The following TMEM245 variants were observed in gnomAD, a reference collection of about 807,000 sequenced individuals.
The protein encoded by TMEM245 is transmembrane protein 245, also known as protein CG-2.
In TMEM245, 69 loss-of-function variants were observed where a neutral mutation model predicts 101.2. The observed-to-expected ratio is 0.68, with a 90% CI of 0.56 to 0.83. TMEM245 has a LOEUF of 0.83. Ranked by LOEUF, TMEM245 falls within the 40% of genes least tolerant of loss-of-function variation. The probability of loss-of-function intolerance (pLI) is 0.00; values close to 1 mark genes in which losing one functional copy is unlikely to be tolerated. For synonymous variants in TMEM245, 537 were observed against 449.8 expected (o/e 1.19, Z -2.45); for missense variants, 1,075 against 1,092.8 (o/e 0.98, Z 0.23).
chr9:109,055,783 C>T (rs749781471), intron 12 of TMEM245, among the ~76,000 whole-genome samples: 7 of 151,962 alleles, frequency 4.6e-5, no homozygotes, highest in Non-Finnish European at 8.8e-5. Flanking sequence ...TACAGGCATG[C>T]GCCACCATGC....
At chr9:109,038,160 T>C (rs774489739) in intron 14 of TMEM245, 43 bp from the exon 15 acceptor site, 1 of 1,484,286 alleles carries the variant, frequency 6.7e-7, no homozygotes, top group Non-Finnish European at 9.2e-7. Context: ...ATAAACAGTG[T>C]CATATCGTGA....
rs1828637346 is a variant in TMEM245, at chr9:109,050,361, C to T, written c.2045G>A (p.Trp682Ter). 1 of 1,614,072 alleles carries T rather than the reference C, an allele frequency of 6.2e-7. No homozygotes were observed. The highest frequency in any genetic ancestry group is 8.5e-7 in the Non-Finnish European group (1 of 1,180,002). The change falls in exon 14 of 18, where the codon TGG becomes TAG. Residue 682 changes from tryptophan to a stop codon, truncating the protein, a stop_gained. Transcript: ENST00000374586. LOFTEE classifies it high-confidence loss of function. ...AGATAGTGGAGTCAGGCTTATCACC[C>T]ACTTCACTGGCTTGTAGTACTCATC... ...SSDEYYKPVK[W>*]VISLTPLSQP...
intron 10 of TMEM245, among the ~76,000 whole-genome samples, chr9:109,063,851 T>C (rs755112310): frequency 3.9e-5 from 6 of 152,252 alleles, no homozygotes; most frequent in Non-Finnish European, 8.8e-5. Context: ...TTCCTTGATC[T>C]GCCATTCCTT....
At chr9:109,024,562 G>T (rs1201013786) in intron 17 of TMEM245, among the ~76,000 whole-genome samples, 1 of 152,230 alleles carries the variant, frequency 6.6e-6, no homozygotes, top group African/African-American at 2.4e-5. Context: ...CAACAGAAGT[G>T]TAAGATACCA....
chr9:109,069,554 G>A (rs1428604005), intron 9 of TMEM245, among the ~76,000 whole-genome samples: 1 of 151,940 alleles, frequency 6.6e-6, no homozygotes, highest in Admixed American at 6.6e-5. Flanking sequence ...CGCCTTCCCC[G>A]CTCCACTGAA....
At chr9:109,054,099 G>A (rs189647196) in intron 12 of TMEM245, among the ~76,000 whole-genome samples, 2 of 152,284 alleles carry the variant, frequency 1.3e-5, no homozygotes, top group East Asian at 3.9e-4. Flanking sequence ...GGGAGGCCGA[G>A]GTGAAAGAAC....
At chr9:109,055,637 C>CTT (rs377221189) in intron 12 of TMEM245, among the ~76,000 whole-genome samples, 4 of 142,726 alleles carry the variant, frequency 2.8e-5, no homozygotes, top group South Asian at 2.2e-4. Flanking sequence ...TTCTTTTTTT[C>CTT]TTTTTTTTTT....
chr9:109,060,205 C>G, intron 11 of TMEM245, 149 bp downstream of exon 11: 2 of 589,108 alleles, frequency 3.4e-6, no homozygotes, highest in Non-Finnish European at 5.9e-6. Flanking sequence ...TCAACTCACA[C>G]TGACTTTTAG....
chr9:109,100,393 T>C (rs1169377999), intron 3 of TMEM245, among the ~76,000 whole-genome samples: 2 of 152,174 alleles, frequency 1.3e-5, no homozygotes, highest in East Asian at 3.8e-4. Context: ...GCATGATTAC[T>C]ACTCACTGCA....
In TMEM245 at chr9:109,108,497, C is replaced by T. The variant is rs1195149101; in HGVS notation, c.653G>A (p.Arg218Lys). The T allele has an allele frequency of 1.2e-6, 2 of 1,605,224 alleles. No individual in the cohort carries two copies. The highest frequency in any genetic ancestry group is 3.4e-5 in the Admixed American group (2 of 58,750). ...KWNASTERYLRAVSIPVWIIL... is the reference protein window; with the variant it reads ...KWNASTERYLKAVSIPVWIIL... ...AATCCAGACAGGAATTGAAACTGCT[C>T]TCAAGTAGCGTTCAGTGCTTGCATT... The change falls in exon 2 of 18, where the codon AGA becomes AAA. Residue 218 changes from arginine to lysine, a missense_variant. This residue lies in a region of TMEM245 where 808 missense variants were observed against 741.5 expected (regional missense o/e 1.09). Transcript: ENST00000374586.
chr9:109,094,424 A>G (rs920926681), intron 3 of TMEM245, among the ~76,000 whole-genome samples: 1 of 152,242 alleles, frequency 6.6e-6, no homozygotes, highest in African/African-American at 2.4e-5. Context: ...GCAGGACTTG[A>G]GAGCCTGAAG....
Position 109,106,550 on chromosome 9 carries a change from C to T in TMEM245, c.757G>A (p.Val253Met), listed in dbSNP as rs894392146. The change falls in exon 3 of 18, where the codon GTG becomes ATG. Residue 253 changes from valine (V) to methionine (M), a missense_variant. Around this residue, in one of 2 missense-constraint regions of TMEM245, gnomAD observed 808 missense variants for 741.5 expected, o/e 1.09. Transcript: ENST00000374586. The stretch of plus-strand genomic sequence containing the variant: ...TTCTGTTTTTCATAGAGGGTACCCA[C>T]AGACATCAGGAAAACAATAACCAGG... ...VFLVIVFLMS[V>M]GTLYEKQNGK... The T allele has an allele frequency of 3.1e-6, 5 of 1,612,334 alleles. No homozygotes were observed. Among genetic ancestry groups the T allele is most frequent in the African/African-American group, 2.7e-5 (2 of 74,852 alleles).
In TMEM245 at chr9:109,036,081, T is replaced by C. The variant is rs187752524; in HGVS notation, c.2399+125A>G. On this transcript the variant is annotated intron_variant, in intron 16 of 17. Coordinates refer to ENST00000374586, the MANE Select transcript of TMEM245 (RefSeq NM_032012.4). The stretch of plus-strand genomic sequence containing the variant: ...TCATTTGTGGGAACACAAAAGGCTA[T>C]TTCACTGAAAATTCCTACTACCAGT... 86 of 628,152 alleles carry C rather than the reference T, an allele frequency of 1.4e-4. No individual in the cohort carries two copies. In the East Asian group the frequency reaches 2.7e-3, roughly 19 times the overall value. The allele number at this position is 628,152 out of a possible 1,614,324, so 38.9% of individuals were successfully genotyped here.
At chr9:109,027,687 T>TC (rs1226806918) in intron 17 of TMEM245, among the ~76,000 whole-genome samples, 1 of 152,058 alleles carries the variant, frequency 6.6e-6, no homozygotes, top group Admixed American at 6.5e-5. Flanking sequence ...TCTTTTTTTT[T>TC]TGAGACAGAG....
chr9:109,016,654 GTGTGT>G lies in TMEM245; in HGVS notation c.*3801_*3805del, dbSNP rs1564161126. The G allele has an allele frequency of 2.3e-5, 2 of 85,250 alleles. No individual in the cohort carries two copies. The highest frequency in any genetic ancestry group is 1.1e-4 in the African/African-American group (2 of 18,982). The allele number at this position is 85,250 out of a possible 1,614,324, so 5.3% of individuals were successfully genotyped here. ...ACCAAACAGTGGCTGCAGACAGCAT[GTGTGT>G]TTTTTTTTTTTTTTTTTTTTGCAGG... On this transcript the variant is annotated 3_prime_UTR_variant, in exon 18 of 18. Coordinates refer to ENST00000374586, the MANE Select transcript of TMEM245 (RefSeq NM_032012.4).
chr9:109,055,178 C>T (rs1056091431), intron 12 of TMEM245, among the ~76,000 whole-genome samples: 6 of 152,150 alleles, frequency 3.9e-5, no homozygotes, highest in African/African-American at 9.7e-5. Context: ...TTAAGTTCAA[C>T]GACTACAGTC....
chr9:109,061,768 C>T (rs1405226297), intron 10 of TMEM245, among the ~76,000 whole-genome samples: 4 of 152,028 alleles, frequency 2.6e-5, no homozygotes, highest in African/African-American at 9.7e-5. Context: ...GGGGTTTCAC[C>T]ATGTTGGCCA....
chr9:109,068,798 G>A (rs553342009), intron 9 of TMEM245, among the ~76,000 whole-genome samples: 11 of 152,252 alleles, frequency 7.2e-5, no homozygotes, highest in Admixed American at 2.6e-4. Context: ...CTGGATTTAC[G>A]TATTATTCTC....
intron 10 of TMEM245, among the ~76,000 whole-genome samples, chr9:109,062,166 G>T (rs773832573): frequency 2.0e-5 from 3 of 151,992 alleles, no homozygotes; most frequent in African/African-American, 7.2e-5. Flanking sequence ...ACACCAGACA[G>T]AGCTAATTTT....
Sources: gnomAD v4.1 joint callset for allele counts (sites outside exome capture counted in the v4.1 genomes callset) on GRCh38, gnomAD v4.1.1 for gene constraint, gnomAD v4.1.1 regional missense constraint, MANE v1.5 for transcripts, NCBI Gene and HGNC (gene_info 2026-07-23, HGNC 2026-07-21) for gene names.